The following CNTRL variants were observed in gnomAD, a reference collection of about 807,000 sequenced individuals.
The protein encoded by CNTRL is centriolin.
A neutral mutation model predicts 303.7 loss-of-function variants in CNTRL; 233 were observed. That is an observed-to-expected ratio of 0.77 (90% CI 0.69 to 0.86). CNTRL has a LOEUF of 0.86. Among genes scored for constraint, CNTRL ranks in the 40% least tolerant of loss-of-function variants. CNTRL has a pLI of 0.00. For missense variants in CNTRL, 2,524 were observed against 2,650.6 expected (o/e 0.95, Z 1.05); for synonymous variants, 900 against 922.2 (o/e 0.98, Z 0.44).
At chr9:121,115,021 C>G (rs2049914383) in intron 10 of CNTRL, 70 bp from the exon 11 acceptor site, 1 of 924,570 alleles carries the variant, frequency 1.1e-6, no homozygotes, top group Non-Finnish European at 1.7e-6. Flanking sequence ...GAAAGAATAC[C>G]TGGTTGAAAT....
At chr9:121,119,834 C>T (rs765944042) in intron 12 of CNTRL, among the ~76,000 whole-genome samples, 2 of 152,204 alleles carry the variant, frequency 1.3e-5, no homozygotes, top group Non-Finnish European at 1.5e-5. Context: ...AAGGGGGTTG[C>T]GAGTCCTTTT....
chr9:121,083,969 T>G (rs1233345254), intron 2 of CNTRL, among the ~76,000 whole-genome samples: 1 of 152,250 alleles, frequency 6.6e-6, no homozygotes, highest in Non-Finnish European at 1.5e-5. Context: ...TATGAAGATG[T>G]TTGTCATTCC....
In CNTRL at chr9:121,144,949, A is replaced by G; in HGVS notation, c.3158A>G (p.Lys1053Arg). 6.2e-7 allele frequency: 1 copy of G among 1,613,008 alleles called. No individual in the cohort carries two copies. The highest frequency in any genetic ancestry group is 8.5e-7 in the Non-Finnish European group (1 of 1,179,334). Residue 1053 changes from lysine (K) to arginine (R), a missense_variant, in exon 21 of 44, where the codon AAG (lysine) becomes AGG (arginine). Lys to Arg is a conservative substitution (Grantham distance 26, BLOSUM62 2). Transcript: ENST00000373855. Reference protein sequence around the residue: ...IELLQNLLRQKGEQFRLEMEK... With the variant: ...IELLQNLLRQRGEQFRLEMEK... The stretch of plus-strand genomic sequence containing the variant: ...CTCCTGCAGAATCTCCTCAGGCAGA[A>G]GGGGGAGCAGGTCAGTGTTGGTACC...
At chr9:121,159,170 T>C (rs1300028023) in intron 31 of CNTRL, 151 bp downstream of exon 31, 4 of 741,792 alleles carry the variant, frequency 5.4e-6, no homozygotes, top group Non-Finnish European at 8.7e-6. Flanking sequence ...TACATATCCA[T>C]GCAGTGGCTG....
At chr9:121,098,117 G>A (rs1213666304) in intron 6 of CNTRL, among the ~76,000 whole-genome samples, 1 of 152,116 alleles carries the variant, frequency 6.6e-6, no homozygotes, top group Admixed American at 6.5e-5. Flanking sequence ...CTTTGATCCT[G>A]AATTTCTTCA....
At position 121,142,138 on chromosome 9, in the gene CNTRL, G is replaced by C. The variant is rs1192867132; in HGVS notation, c.2739G>C (p.Glu913Asp). ...RQHEARIQQM[E>D]NEIHYLQENL... ...ATGAAGCAAGAATCCAGCAAATGGAGAATGAAATTCACTATTTGCAAGAAA... is the reference window on the plus strand; with the variant it reads ...ATGAAGCAAGAATCCAGCAAATGGACAATGAAATTCACTATTTGCAAGAAA... The change falls in exon 19 of 44, where the codon GAG (glutamate) becomes GAC (aspartate). Residue 913 changes from glutamate (E) to aspartate (D), a missense_variant. Transcript: ENST00000373855. 2 of 1,609,928 alleles carry C rather than the reference G, an allele frequency of 1.2e-6. No homozygotes were observed. Among genetic ancestry groups the C allele is most frequent in the Non-Finnish European group, 1.7e-6 (2 of 1,178,364 alleles).
Position 121,158,934 on chromosome 9 carries a change from G to A in CNTRL, c.4844G>A (p.Gly1615Glu). The A allele has an allele frequency of 6.2e-7, 1 of 1,614,172 alleles. No homozygotes were observed. Among genetic ancestry groups the A allele is most frequent in the Non-Finnish European group, 8.5e-7 (1 of 1,180,000 alleles). Residue 1615 changes from glycine to glutamate, a missense_variant, in exon 31 of 44, where the codon GGA (glycine) becomes GAA (glutamate). Coordinates refer to ENST00000373855, the MANE Select transcript of CNTRL (RefSeq NM_007018.6). Reference protein sequence around the residue: ...HKKEELHLLQGSMVQAKADLQ... With the variant: ...HKKEELHLLQESMVQAKADLQ... ...AAGGAGGAGCTGCATCTACTCCAAG[G>A]AAGCATGGTCCAGGCAAAAGCTGAC...
rs778166639 is a variant in CNTRL, at chr9:121,157,747, C to T, written c.4504C>T (p.Gln1502Ter). 5 of 1,613,920 alleles carry T rather than the reference C, an allele frequency of 3.1e-6. No homozygotes were observed. The African/African-American group carries it at 6.7e-5, about 22-fold the overall frequency. The change falls in exon 29 of 44, where the codon CAG (glutamine) becomes TAG (stop). Residue 1502 changes from glutamine (Q) to a stop codon, truncating the protein, a stop_gained. Coordinates refer to ENST00000373855, the MANE Select transcript of CNTRL (RefSeq NM_007018.6). LOFTEE classifies it high-confidence loss of function. Reference protein sequence around the residue: ...VKADQQLRSLQADAKDLEQHK... With the variant: ...VKADQQLRSL ...TAAAGCAATGTGCTTTAGATCGCTC[C>T]AGGCTGATGCAAAGGATTTGGAGCA...
chr9:121,146,093 G>T lies in CNTRL; in HGVS notation c.3311-15G>T. The T allele has an allele frequency of 1.3e-6, 2 of 1,582,588 alleles. No individual in the cohort carries two copies. Among genetic ancestry groups the T allele is most frequent in the South Asian group, 1.2e-5 (1 of 85,602 alleles). On this transcript the variant is annotated splice_polypyrimidine_tract_variant and intron_variant, in intron 22 of 43. Transcript: ENST00000373855. ...TGATTTCATATCAATTTCATAGAAT[G>T]ACTTTTCTTTACAGACAACAAAGGA...
At chr9:121,117,586 C>A (rs1263321406) in intron 11 of CNTRL, among the ~76,000 whole-genome samples, 2 of 152,080 alleles carry the variant, frequency 1.3e-5, no homozygotes, top group East Asian at 3.8e-4. Context: ...CCTAGTATGA[C>A]CTTGGGCGAG....
At position 121,142,218 on chromosome 9, in the gene CNTRL, C is replaced by T. The variant is rs2134004324; in HGVS notation, c.2819C>T (p.Ala940Val). ...QGLTDLQLQEADEEKERILAQ... is the reference protein window; with the variant it reads ...QGLTDLQLQEVDEEKERILAQ... Reference sequence around the variant, plus strand: ...CTTACAGATCTCCAACTTCAGGAAGCTGATGAAGAGAAGGAGAGAATTCTG... The same window carrying T: ...CTTACAGATCTCCAACTTCAGGAAGTTGATGAAGAGAAGGAGAGAATTCTG... Residue 940 changes from alanine to valine, a missense_variant, in exon 19 of 44, where the codon GCT (alanine) becomes GTT (valine). Coordinates refer to ENST00000373855, the MANE Select transcript of CNTRL (RefSeq NM_007018.6). 6.2e-7 allele frequency: 1 copy of T among 1,611,462 alleles called. No individual in the cohort carries two copies. The highest frequency in any genetic ancestry group is 8.5e-7 in the Non-Finnish European group (1 of 1,179,170).
Position 121,171,551 on chromosome 9 carries a change from G to T in CNTRL, c.6417+3G>T, listed in dbSNP as rs2131899705. On this transcript the variant is annotated splice_donor_region_variant and intron_variant, in intron 40 of 43. Transcript: ENST00000373855. ...AGTACACGGAGCTCAAGAAACAGGT[G>T]TGTGCCCAGAAAGCCCAGCTGGCCA... The T allele has an allele frequency of 6.2e-7, 1 of 1,612,772 alleles. No homozygotes were observed. The highest frequency in any genetic ancestry group is 2.2e-5 in the East Asian group (1 of 44,828).
chr9:121,120,442 A>G (rs901553000), intron 12 of CNTRL, among the ~76,000 whole-genome samples: 2 of 152,204 alleles, frequency 1.3e-5, no homozygotes, highest in African/African-American at 4.8e-5. Flanking sequence ...GTGGTCAATA[A>G]TATCTTACTT....
At chr9:121,090,679 A>T (rs1489356113) in intron 4 of CNTRL, among the ~76,000 whole-genome samples, 1 of 152,192 alleles carries the variant, frequency 6.6e-6, no homozygotes, top group South Asian at 2.1e-4. Flanking sequence ...GTAAAGTTTT[A>T]TTGGAACACA....
chr9:121,122,765 A>C (rs1430895057), intron 12 of CNTRL, among the ~76,000 whole-genome samples: 1 of 152,186 alleles, frequency 6.6e-6, no homozygotes, highest in Non-Finnish European at 1.5e-5. Context: ...TCCCTAGCAC[A>C]CCTGAGAAAT....
At chr9:121,133,823 T>G (rs1460067399) in intron 14 of CNTRL, among the ~76,000 whole-genome samples, 1 of 152,246 alleles carries the variant, frequency 6.6e-6, no homozygotes, top group African/African-American at 2.4e-5. Flanking sequence ...TACAGATTTT[T>G]TTTCCTGAAC....
chr9:121,174,332 G>C (rs1239307909), intron 42 of CNTRL, among the ~76,000 whole-genome samples: 3 of 152,188 alleles, frequency 2.0e-5, no homozygotes, highest in Admixed American at 1.3e-4. Flanking sequence ...CTATAGTATT[G>C]AGTGGAGCCC....
intron 2 of CNTRL, among the ~76,000 whole-genome samples, chr9:121,085,802 A>G (rs796163876): frequency 7.9e-5 from 12 of 152,342 alleles, no homozygotes; most frequent in African/African-American, 2.6e-4. Context: ...TCAGGCAATG[A>G]CAAAAAGATG....
intron 14 of CNTRL, among the ~76,000 whole-genome samples, chr9:121,135,095 G>C (rs1017846531): frequency 8.5e-5 from 13 of 152,330 alleles, no homozygotes; most frequent in Non-Finnish European, 4.4e-5. Context: ...GTAAATAGAT[G>C]AAAGAGATAA....
Sources: allele counts gnomAD v4.1 joint callset (sites outside exome capture counted in the v4.1 genomes callset), GRCh38; gene constraint gnomAD v4.1.1; transcripts MANE v1.5; gene names NCBI Gene and HGNC (gene_info 2026-07-23, HGNC 2026-07-21).